Variants in SHOC2 observed in about 807,000 individuals in gnomAD.
SHOC2 encodes the protein leucine-rich repeat protein SHOC-2.
SHOC2 carries 4 observed loss-of-function variants against 50.2 expected under a neutral mutation model. That is an observed-to-expected ratio of 0.08 (90% CI 0.04 to 0.18). SHOC2 has a LOEUF of 0.18. Among genes scored for constraint, SHOC2 ranks in the 10% least tolerant of loss-of-function variants. The probability of loss-of-function intolerance (pLI) is 1.00; values close to 1 mark genes in which losing one functional copy is unlikely to be tolerated. For synonymous variants in SHOC2, 218 were observed against 244.5 expected, an observed-to-expected ratio of 0.89 and a Z score of 1.01; for missense variants, 388 against 669.6, an observed-to-expected ratio of 0.58 and a Z score of 4.64.
At chr10:110,982,485 GTTC>G (rs1408402447) in intron 2 of SHOC2, among the ~76,000 whole-genome samples, 1 of 152,088 alleles carries the variant, frequency 6.6e-6, no homozygotes, top group Admixed American at 6.5e-5. Context: ...GTGTAAAAGT[GTTC>G]TTATTTTTCC....
At chr10:111,006,214 G>T (rs1848463510) in intron 5 of SHOC2, among the ~76,000 whole-genome samples, 1 of 152,228 alleles carries the variant, frequency 6.6e-6, no homozygotes, top group Non-Finnish European at 1.5e-5. Flanking sequence ...TTTAGGCATA[G>T]ATAGGTACTA....
chr10:110,972,216 A>T (rs1847796545), intron 2 of SHOC2, among the ~76,000 whole-genome samples: 1 of 151,632 alleles, frequency 6.6e-6, no homozygotes, highest in African/African-American at 2.4e-5. Context: ...TTATTTTAGT[A>T]CAGCATTATA....
At chr10:110,975,994 T>G (rs1426886098) in intron 2 of SHOC2, among the ~76,000 whole-genome samples, 3 of 152,230 alleles carry the variant, frequency 2.0e-5, no homozygotes, top group Admixed American at 6.5e-5. Context: ...CATTGCAACC[T>G]CTGCCTCACG....
chr10:110,957,534 C>CG (rs1375470765), intron 1 of SHOC2, among the ~76,000 whole-genome samples: 6 of 137,934 alleles, frequency 4.3e-5, no homozygotes, highest in Admixed American at 3.6e-4. Context: ...ATGAAGATAC[C>CG]CCCCCCCCAG....
At chr10:110,974,876 A>G (rs1847847376) in intron 2 of SHOC2, among the ~76,000 whole-genome samples, 1 of 152,118 alleles carries the variant, frequency 6.6e-6, no homozygotes, top group Non-Finnish European at 1.5e-5. Context: ...CATTGATACT[A>G]TTTTGCTTTA....
At chr10:110,982,754 C>CTTAAG (rs1377309435) in intron 2 of SHOC2, among the ~76,000 whole-genome samples, 2 of 151,922 alleles carry the variant, frequency 1.3e-5, no homozygotes, top group African/African-American at 4.8e-5. Context: ...ATTTTTGTGT[C>CTTAAG]TTAAGTTCCT....
chr10:111,001,060 CT>C lies in SHOC2; in HGVS notation c.972+528del, dbSNP rs11379744. On this transcript the variant is annotated intron_variant, in intron 4 of 8. Transcript: ENST00000369452. ...TTTAGTATAGAACAATCGCCAGAAT[CT>C]TTTTTTTTTTTTAACACATTTTTAG... Among the ~76,000 whole-genome samples, 808 of 145,170 alleles carry C rather than the reference CT, an allele frequency of 5.6e-3. 5 individuals are homozygous for C. The highest frequency in any genetic ancestry group is 0.019 in the African/African-American group (737 of 39,432).
At chr10:110,938,017 G>A (rs1847063258) in intron 1 of SHOC2, among the ~76,000 whole-genome samples, 1 of 152,124 alleles carries the variant, frequency 6.6e-6, no homozygotes, top group African/African-American at 2.4e-5. Flanking sequence ...ACAAAGTTCT[G>A]CTACTAGAAT....
chr10:110,992,588 T>C (rs944225536), intron 3 of SHOC2, among the ~76,000 whole-genome samples: 11 of 152,196 alleles, frequency 7.2e-5, no homozygotes, highest in African/African-American at 2.7e-4. Context: ...AAACCTTGCC[T>C]TCAAGGCTGG....
intron 2 of SHOC2, among the ~76,000 whole-genome samples, chr10:110,975,195 G>A (rs927952326): frequency 1.3e-5 from 2 of 148,486 alleles, no homozygotes; most frequent in African/African-American, 2.5e-5. Context: ...TCGCTCTGTC[G>A]CCCAGGCTGG....
At chr10:110,979,451 G>T (rs149557185) in intron 2 of SHOC2, among the ~76,000 whole-genome samples, 1 of 152,128 alleles carries the variant, frequency 6.6e-6, no homozygotes, top group Non-Finnish European at 1.5e-5. Context: ...ATTATATAAC[G>T]TATACAATTA....
At position 110,940,910 on chromosome 10, in the gene SHOC2, GTTTTTTTTTTTTTTTTTTTTTT is replaced by G. The variant is rs539552844; in HGVS notation, c.-235+21270_-235+21291del. On this transcript the variant is annotated intron_variant, in intron 1 of 8. Transcript: ENST00000369452. ...GACAAAATAGTGGTATTTGTGGTGG[GTTTTTTTTTTTTTTTTTTTTTT>G]TTTTTTTTTTTTTTTTGTGACAGGG... is the stretch of plus-strand genomic sequence containing the variant. 4.7e-4 allele frequency among the ~76,000 whole-genome samples: 56 copies of G among 119,480 alleles called. No homozygotes were observed. In the East Asian group the frequency reaches 0.012, roughly 26 times the overall value. 78.4% of individuals were successfully genotyped at this position (119,480 alleles called of 152,430 possible).
intron 3 of SHOC2, among the ~76,000 whole-genome samples, chr10:110,998,757 A>G (rs1231191678): frequency 2.0e-5 from 3 of 152,178 alleles, no homozygotes; most frequent in African/African-American, 4.8e-5. Flanking sequence ...TTTATTATCA[A>G]TGACTGATTC....
chr10:110,933,621 G>A (rs766720745), intron 1 of SHOC2, among the ~76,000 whole-genome samples: 23 of 152,140 alleles, frequency 1.5e-4, no homozygotes, highest in Non-Finnish European at 2.9e-4. Flanking sequence ...CCTTTTCAAT[G>A]TCAGTTGATT....
At chr10:110,951,341 T>C (rs1040669233) in intron 1 of SHOC2, among the ~76,000 whole-genome samples, 2 of 152,162 alleles carry the variant, frequency 1.3e-5, no homozygotes, top group South Asian at 2.1e-4. Context: ...ACCTCACACC[T>C]GTTAGATGTC....
At chr10:110,944,039 A>G (rs1847202097) in intron 1 of SHOC2, among the ~76,000 whole-genome samples, 1 of 152,210 alleles carries the variant, frequency 6.6e-6, no homozygotes, top group South Asian at 2.1e-4. Flanking sequence ...TGCTCGTCTC[A>G]AAGGAAGACC....
intron 1 of SHOC2, among the ~76,000 whole-genome samples, chr10:110,952,439 T>C (rs1424299127): frequency 1.3e-5 from 2 of 152,172 alleles, no homozygotes; most frequent in Non-Finnish European, 2.9e-5. Flanking sequence ...AAATGTGTAA[T>C]GACATATAAC....
At chr10:110,987,632 G>A (rs1462825278) in intron 3 of SHOC2, among the ~76,000 whole-genome samples, 1 of 151,966 alleles carries the variant, frequency 6.6e-6, no homozygotes, top group East Asian at 1.9e-4. Context: ...CAGATTTCTG[G>A]TTCAAGATAA....
intron 1 of SHOC2, among the ~76,000 whole-genome samples, chr10:110,956,924 C>G (rs980675677): frequency 1.3e-5 from 2 of 151,802 alleles, no homozygotes; most frequent in African/African-American, 4.8e-5. Context: ...TATTTGTAGC[C>G]TCTTTAATTG....
Sources: gnomAD v4.1 joint callset for allele counts (sites outside exome capture counted in the v4.1 genomes callset) on GRCh38, gnomAD v4.1.1 for gene constraint, MANE v1.5 for transcripts, NCBI Gene and HGNC (gene_info 2026-07-23, HGNC 2026-07-21) for gene names.